Variants in CSTPP1 observed in about 807,000 individuals in gnomAD.
CSTPP1 encodes UPF0705 protein C11orf49.
chr11:47,101,194 T>TTTTTTTC, the CSTPP1 span, among the ~76,000 whole-genome samples: 1 of 122,610 alleles, frequency 8.2e-6, no homozygotes, highest in Non-Finnish European at 1.7e-5. Flanking sequence ...TTTTTTATTT[T>TTTTTTTC]ATTTTTAGTA....
chr11:47,046,660 C>CTTTTTT, the CSTPP1 span, among the ~76,000 whole-genome samples: 5,487 of 79,784 alleles, frequency 0.069, 36 homozygotes, highest in Non-Finnish European at 0.077. Flanking sequence ...ATCTTCTTTT[C>CTTTTTT]TTTTTTTTTT....
chr11:47,156,383 A>G, the CSTPP1 span, among the ~76,000 whole-genome samples: 1 of 152,246 alleles, frequency 6.6e-6, no homozygotes, highest in African/African-American at 2.4e-5. Flanking sequence ...CGGTGTGTGT[A>G]GAGACGAGAT....
At chr11:47,098,881 T>C in the CSTPP1 span, among the ~76,000 whole-genome samples, 1 of 152,224 alleles carries the variant, frequency 6.6e-6, no homozygotes, top group Non-Finnish European at 1.5e-5. Flanking sequence ...CACCTAATTA[T>C]GTGTTTTGTG....
chr11:47,018,334 AC>A, the CSTPP1 span, among the ~76,000 whole-genome samples: 1 of 120,946 alleles, frequency 8.3e-6, no homozygotes, highest in Non-Finnish European at 1.6e-5. Flanking sequence ...TTACTCTGTC[AC>A]CCAGGCTGGA....
chr11:47,087,803 A>C, the CSTPP1 span, among the ~76,000 whole-genome samples: 10 of 152,164 alleles, frequency 6.6e-5, no homozygotes, highest in Admixed American at 5.9e-4. Flanking sequence ...AACAATACAC[A>C]TTTATTATTT....
chr11:47,162,295 G>C, the CSTPP1 span: 8 of 981,616 alleles, frequency 8.1e-6, no homozygotes, highest in Middle Eastern at 1.0e-3. Flanking sequence ...GAGAGGGGGA[G>C]TTTGGGTTTT....
chr11:47,066,907 T>G, the CSTPP1 span, among the ~76,000 whole-genome samples: 1 of 152,178 alleles, frequency 6.6e-6, no homozygotes, highest in Admixed American at 6.5e-5. Flanking sequence ...GTGTAGGGTC[T>G]TTATTTAGAA....
the CSTPP1 span, chr11:47,157,023 A>C: frequency 6.2e-7 from 1 of 1,613,878 alleles, no homozygotes; most frequent in African/African-American, 1.3e-5. Flanking sequence ...ACGGTTCCAG[A>C]ATTCCTGGAC....
the CSTPP1 span, among the ~76,000 whole-genome samples, chr11:46,951,439 G>C: frequency 9.9e-5 from 15 of 151,832 alleles, no homozygotes; most frequent in African/African-American, 3.6e-4. Flanking sequence ...TGGGACTATA[G>C]GAGTGTGCTA....
chr11:47,056,321 A>G, the CSTPP1 span, among the ~76,000 whole-genome samples: 1 of 152,252 alleles, frequency 6.6e-6, no homozygotes, highest in Admixed American at 6.5e-5. Flanking sequence ...AGTTTCTGTG[A>G]TAGAACATAT....
At chr11:47,015,442 C>G in the CSTPP1 span, among the ~76,000 whole-genome samples, 2 of 152,040 alleles carry the variant, frequency 1.3e-5, no homozygotes, top group African/African-American at 2.4e-5. Flanking sequence ...CCACTGCACT[C>G]CAGCCTGGCA....
chr11:47,028,284 CAAT>C, the CSTPP1 span, among the ~76,000 whole-genome samples: 1 of 152,194 alleles, frequency 6.6e-6, no homozygotes, highest in Admixed American at 6.5e-5. Context: ...AAGTTGCACT[CAAT>C]GAACCTATCA....
the CSTPP1 span, among the ~76,000 whole-genome samples, chr11:46,995,073 T>C: frequency 6.6e-6 from 1 of 152,224 alleles, no homozygotes; most frequent in Non-Finnish European, 1.5e-5. Context: ...TAGAGGTGTT[T>C]ATAGCATTCT....
At chr11:47,038,617 G>T in the CSTPP1 span, among the ~76,000 whole-genome samples, 1 of 115,604 alleles carries the variant, frequency 8.7e-6, no homozygotes, top group Non-Finnish European at 2.1e-5. Context: ...CTGGGAGGCT[G>T]GCCGGGCGGG....
At chr11:46,964,291 T>C in the CSTPP1 span, among the ~76,000 whole-genome samples, 237 of 111,584 alleles carry the variant, frequency 2.1e-3, no homozygotes, top group African/African-American at 0.027. Context: ...CTCTCTCTCT[T>C]TTTTTTTTTT....
chr11:47,156,488 G>A, the CSTPP1 span, among the ~76,000 whole-genome samples: 2 of 152,250 alleles, frequency 1.3e-5, no homozygotes, highest in Non-Finnish European at 2.9e-5. Flanking sequence ...GGCTTTCTCT[G>A]TTCCTCGCTG....
At chr11:46,936,793 C>A in the CSTPP1 span, 6 of 1,610,560 alleles carry the variant, frequency 3.7e-6, no homozygotes, top group Non-Finnish European at 4.2e-6. Context: ...TTTGAAGCCA[C>A]CCCGGTCAAA....
chr11:47,112,391 A>C, the CSTPP1 span, among the ~76,000 whole-genome samples: 1 of 152,030 alleles, frequency 6.6e-6, no homozygotes, highest in East Asian at 1.9e-4. Context: ...GCACAATCTC[A>C]GCTCACTGCA....
At chr11:47,127,133 A>G in the CSTPP1 span, among the ~76,000 whole-genome samples, 1 of 152,176 alleles carries the variant, frequency 6.6e-6, no homozygotes, top group Non-Finnish European at 1.5e-5. Context: ...TAGCAGAGAA[A>G]GGCCAGCCTT....
Sources: allele counts gnomAD v4.1 joint callset (sites outside exome capture counted in the v4.1 genomes callset), GRCh38; gene constraint gnomAD v4.1.1; transcripts MANE v1.5; gene names NCBI Gene and HGNC (gene_info 2026-07-23, HGNC 2026-07-21).